The following U2AF2 variants were observed in gnomAD, a reference collection of about 807,000 sequenced individuals.
U2AF2 encodes U2 small nuclear RNA auxiliary factor 2.
In U2AF2, 6 loss-of-function variants were observed where a neutral mutation model predicts 52.6. The observed-to-expected ratio is 0.11, with a 90% CI of 0.06 to 0.23. The LOEUF (loss-of-function observed/expected upper bound fraction) is 0.23. Ranked by LOEUF, U2AF2 falls within the 10% of genes least tolerant of loss-of-function variation. U2AF2 has a pLI of 1.00. For missense variants in U2AF2, 222 were observed against 677.1 expected (o/e 0.33, Z 7.46); for synonymous variants, 284 against 258.2 (o/e 1.10, Z -0.96).
chr19:55,670,162 C>T (rs1357120986), intron 11 of U2AF2, among the ~76,000 whole-genome samples: 1 of 152,012 alleles, frequency 6.6e-6, no homozygotes, highest in Admixed American at 6.5e-5. Context: ...AGCCCCTGAG[C>T]CCCATCGTGG....
In U2AF2 at chr19:55,663,586, C is replaced by T. The variant is rs757540787; in HGVS notation, c.604-20C>T. 1.9e-6 allele frequency: 3 copies of T among 1,611,688 alleles called. No individual in the cohort carries two copies. The South Asian group carries it at 3.3e-5, about 18-fold the overall frequency. On this transcript the variant is annotated intron_variant, in intron 6 of 11. Transcript: ENST00000308924. ...AGTCCCTGACCCCCATCCCTCACCACTCCTTTCTCTTTCATTCAGTTCCGC... is the reference window on the plus strand; with the variant it reads ...AGTCCCTGACCCCCATCCCTCACCATTCCTTTCTCTTTCATTCAGTTCCGC...
rs1984745655 is a variant in U2AF2, at chr19:55,669,497, C to T, written c.1098C>T (p.Ser366=). The change falls in exon 11 of 12, where the codon TCC becomes TCT. Residue 366 remains serine, a synonymous_variant. Coordinates refer to ENST00000308924, the MANE Select transcript of U2AF2 (RefSeq NM_007279.3). ...VTLQVPGLMS[S]QVQMGGHPTE... ...TGCAAGTGCCGGGCTTGATGAGCTC[C>T]CAGGTGCAGATGGGCGGCCACCCGA... is the stretch of plus-strand genomic sequence containing the variant. 9.3e-6 allele frequency: 15 copies of T among 1,613,834 alleles called. No individual in the cohort carries two copies. Among genetic ancestry groups the T allele is most frequent in the Non-Finnish European group, 1.2e-5 (14 of 1,179,850 alleles).
At chr19:55,656,079 C>T (rs1983776633) in intron 1 of U2AF2, among the ~76,000 whole-genome samples, 2 of 152,090 alleles carry the variant, frequency 1.3e-5, no homozygotes, top group Non-Finnish European at 2.9e-5. Flanking sequence ...TTCAGGGTAT[C>T]GAAAATTGTG....
intron 1 of U2AF2, among the ~76,000 whole-genome samples, chr19:55,657,617 G>A (rs767679373): frequency 6.6e-6 from 1 of 151,964 alleles, no homozygotes; most frequent in Non-Finnish European, 1.5e-5. Flanking sequence ...CTGTGTGCCC[G>A]CTGCTCTACA....
chr19:55,661,356 T>TG (rs1984178331), intron 5 of U2AF2, 167 bp downstream of exon 5: 1 of 696,278 alleles, frequency 1.4e-6, no homozygotes, highest in Non-Finnish European at 2.1e-6. Context: ...GGGGCCGGGC[T>TG]GGGGGTGGCC....
intron 7 of U2AF2, among the ~76,000 whole-genome samples, chr19:55,665,104 A>T (rs940110945): frequency 3.3e-5 from 5 of 152,178 alleles, no homozygotes; most frequent in African/African-American, 9.7e-5. Flanking sequence ...ATCGACATGG[A>T]CTTTTTACGT....
chr19:55,660,282 C>G, intron 3 of U2AF2, 61 bp downstream of exon 3: 1 of 1,570,162 alleles, frequency 6.4e-7, no homozygotes, highest in South Asian at 1.2e-5. Flanking sequence ...TCCTCACGCC[C>G]GTGCACCCTG....
intron 2 of U2AF2, 53 bp downstream of exon 2, chr19:55,659,398 T>C: frequency 1.4e-6 from 2 of 1,431,016 alleles, no homozygotes; most frequent in Non-Finnish European, 1.8e-6. Flanking sequence ...GGGGTCGGTG[T>C]TGGCCGGCCT....
rs1401722008 is a variant in U2AF2 at position 55,672,722 on chromosome 19, C to T, written c.1294-1212C>T. On this transcript the variant is annotated intron_variant, in intron 11 of 11. Coordinates refer to ENST00000308924, the MANE Select transcript of U2AF2 (RefSeq NM_007279.3). The stretch of plus-strand genomic sequence containing the variant: ...CTATTCCATGTTCAAATTTTTCTAT[C>T]TCAAGAATTTTTTTTTTTTTTTTTG... 9.4e-4 allele frequency among the ~76,000 whole-genome samples: 141 copies of T among 149,916 alleles called. 1 individual carries two copies. The highest frequency in any genetic ancestry group is 2.9e-4 in the Non-Finnish European group (20 of 67,876).
chr19:55,659,099 C>T (rs545132421), intron 1 of U2AF2, 111 bp from the exon 2 acceptor site: 8 of 1,362,966 alleles, frequency 5.9e-6, no homozygotes, highest in South Asian at 3.6e-5. Context: ...AATCCCTTCC[C>T]TTTGGGGGTG....
At chr19:55,670,582 G>GA (rs1984852303) in intron 11 of U2AF2, 1 of 190,418 alleles carries the variant, frequency 5.3e-6, no homozygotes, top group African/African-American at 2.9e-5. Context: ...ATGCCGTATT[G>GA]AGTCGGGGCA....
chr19:55,657,178 T>C (rs1983848159), intron 1 of U2AF2, among the ~76,000 whole-genome samples: 1 of 152,228 alleles, frequency 6.6e-6, no homozygotes, highest in Admixed American at 6.5e-5. Context: ...CTTTTGGTGC[T>C]GGTAGGGCAG....
rs1026589882 is a variant in U2AF2 at position 55,674,247 on chromosome 19, G to A, written c.*179G>A. 4.5e-5 allele frequency: 14 copies of A among 308,292 alleles called. No homozygotes were observed. The highest frequency in any genetic ancestry group is 1.1e-4 in the East Asian group (1 of 9,420). 19.1% of individuals were successfully genotyped at this position (308,292 alleles called of 1,614,324 possible). ...GGGGCGGGGGTTGGGGGGTTGGGGG[G>A]TTAGGGCAGGGAGGGGACTGGGGAA... On this transcript the variant is annotated 3_prime_UTR_variant, in exon 12 of 12. Coordinates refer to ENST00000308924, the MANE Select transcript of U2AF2 (RefSeq NM_007279.3).
At chr19:55,666,588 A>G (rs959144128) in intron 7 of U2AF2, among the ~76,000 whole-genome samples, 1 of 152,226 alleles carries the variant, frequency 6.6e-6, no homozygotes, top group African/African-American at 2.4e-5. Flanking sequence ...CCTCGATTGA[A>G]TCAGCACTTG....
intron 11 of U2AF2, among the ~76,000 whole-genome samples, chr19:55,669,989 TG>T (rs1308863102): frequency 1.3e-5 from 2 of 152,278 alleles, no homozygotes; most frequent in East Asian, 3.9e-4. Flanking sequence ...CTGTAGAACT[TG>T]GCCCTGCTCC....
At chr19:55,661,237 G>GT in intron 5 of U2AF2, 48 bp downstream of exon 5, 1 of 1,418,734 alleles carries the variant, frequency 7.0e-7, no homozygotes, top group Non-Finnish European at 9.2e-7. Context: ...CCTCTACCCC[G>GT]TTCCTCCCCT....
intron 7 of U2AF2, among the ~76,000 whole-genome samples, chr19:55,667,695 C>T (rs895076187): frequency 2.6e-5 from 4 of 152,302 alleles, no homozygotes; most frequent in African/African-American, 7.2e-5. Context: ...GCCGCGGCTG[C>T]TCATCGTGTC....
At position 55,674,152 on chromosome 19, in the gene U2AF2, TG is replaced by T; in HGVS notation, c.*87del. 1 of 1,230,404 alleles carries T rather than the reference TG, an allele frequency of 8.1e-7. No individual in the cohort carries two copies. The highest frequency in any genetic ancestry group is 1.5e-5 in the South Asian group (1 of 65,426). 76.2% of individuals were successfully genotyped at this position (1,230,404 alleles called of 1,614,324 possible). On this transcript the variant is annotated 3_prime_UTR_variant, in exon 12 of 12. Coordinates refer to ENST00000308924, the MANE Select transcript of U2AF2 (RefSeq NM_007279.3). Reference sequence around the variant, plus strand: ...CCCCCTTATCCCCCTCTGAAGACGATGGGCAGAGGAGTGACAGCCGCAGACA... The same window carrying T: ...CCCCCTTATCCCCCTCTGAAGACGATGGCAGAGGAGTGACAGCCGCAGACA...
chr19:55,667,625 A>G lies in U2AF2; in HGVS notation c.743-882A>G, dbSNP rs1984625627. Reference sequence around the variant, plus strand: ...ATCCTGCATCCCACAGTCAGCCCACAGTTCCCAGTGAGATCAGAGCAGCTA... The same window carrying G: ...ATCCTGCATCCCACAGTCAGCCCACGGTTCCCAGTGAGATCAGAGCAGCTA... On this transcript the variant is annotated intron_variant, in intron 7 of 11. Transcript: ENST00000308924. 2.0e-5 allele frequency among the ~76,000 whole-genome samples: 3 copies of G among 152,310 alleles called. No individual in the cohort carries two copies. In the South Asian group the frequency reaches 6.2e-4, roughly 32 times the overall value.
Sources: allele counts gnomAD v4.1 joint callset (sites outside exome capture counted in the v4.1 genomes callset), GRCh38; gene constraint gnomAD v4.1.1; transcripts MANE v1.5; gene names NCBI Gene and HGNC (gene_info 2026-07-23, HGNC 2026-07-21).